GPR39: variants seen among roughly 807,000 people sequenced by gnomAD.
GPR39 encodes G protein-coupled receptor 39.
GPR39 carries 23 observed loss-of-function variants against 18.4 expected under a neutral mutation model. The ratio of observed to expected loss-of-function variants is 1.25; its 90% CI spans 0.90 to 1.77. The LOEUF (loss-of-function observed/expected upper bound fraction) is 1.77, where lower values mean the gene tolerates loss of function less well. Ranked by LOEUF, GPR39 falls within the 40% of genes most tolerant of loss-of-function variation. The pLI is 0.00. For missense variants in GPR39, 647 were observed against 602.4 expected, an observed-to-expected ratio of 1.07 and a Z score of -0.78; for synonymous variants, 280 against 257.9, an observed-to-expected ratio of 1.09 and a Z score of -0.82.
intron 1 of GPR39, among the ~76,000 whole-genome samples, chr2:132,477,587 G>A (rs1681153677): frequency 6.6e-6 from 1 of 152,168 alleles, no homozygotes; most frequent in Non-Finnish European, 1.5e-5. Flanking sequence ...CCAAGGCTCT[G>A]TCTCAATCAA....
intron 1 of GPR39, among the ~76,000 whole-genome samples, chr2:132,635,436 G>T (rs2104874185): frequency 6.6e-6 from 1 of 152,316 alleles, no homozygotes; most frequent in East Asian, 1.9e-4. Flanking sequence ...ATGTAGACTT[G>T]TGAAGTCAAG....
chr2:132,626,514 T>C (rs1032727578), intron 1 of GPR39, among the ~76,000 whole-genome samples: 2 of 152,190 alleles, frequency 1.3e-5, no homozygotes, highest in Non-Finnish European at 2.9e-5. Context: ...TGGTTTTTTC[T>C]TTTTTTAAAC....
intron 1 of GPR39, among the ~76,000 whole-genome samples, chr2:132,518,662 G>A (rs1328678058): frequency 6.6e-6 from 1 of 152,006 alleles, no homozygotes; most frequent in Non-Finnish European, 1.5e-5. Flanking sequence ...TAAATATAAT[G>A]CAAACCACAT....
Position 132,581,336 on chromosome 2 carries a change from C to CTT in GPR39, c.857-63751_857-63750dup, listed in dbSNP as rs34169955. ...CAGGGCTATGGGGGAACGATAGTGA[C>CTT]TTTTTTTTTTTTTTTGGAAGAGAAT... is the stretch of plus-strand genomic sequence containing the variant. On this transcript the variant is annotated intron_variant, in intron 1 of 1. Transcript: ENST00000329321. 2.7e-3 allele frequency among the ~76,000 whole-genome samples: 388 copies of CTT among 143,560 alleles called. 5 individuals carry two copies. Among genetic ancestry groups the CTT allele is most frequent in the East Asian group, 0.02 (100 of 4,948 alleles). 94.2% of individuals were successfully genotyped at this position (143,560 alleles called of 152,430 possible).
rs964856729 is a variant in GPR39 at position 132,616,889 on chromosome 2, C to T, written c.857-28212C>T. 6.6e-5 allele frequency among the ~76,000 whole-genome samples: 10 copies of T among 152,154 alleles called. No homozygotes were observed. In the East Asian group the frequency reaches 7.7e-4, roughly 12 times the overall value. On this transcript the variant is annotated intron_variant, in intron 1 of 1. Coordinates refer to ENST00000329321, the MANE Select transcript of GPR39 (RefSeq NM_001508.3). ...ACACGCTTTCTTTCTCTCAATGCCCCGCTCCCGCCACGGTCCCTACTGTTG... is the reference window on the plus strand; with the variant it reads ...ACACGCTTTCTTTCTCTCAATGCCCTGCTCCCGCCACGGTCCCTACTGTTG...
intron 1 of GPR39, among the ~76,000 whole-genome samples, chr2:132,459,801 C>G (rs757902552): frequency 6.6e-6 from 1 of 152,236 alleles, no homozygotes; most frequent in Non-Finnish European, 1.5e-5. Context: ...TAAGTGCCCT[C>G]TTGAACTTAT....
At chr2:132,638,029 AT>A (rs1431104110) in intron 1 of GPR39, among the ~76,000 whole-genome samples, 1 of 152,076 alleles carries the variant, frequency 6.6e-6, no homozygotes, top group African/African-American at 2.4e-5. Flanking sequence ...AAGAGATGTG[AT>A]TGCTTTACAT....
chr2:132,554,804 C>T (rs1016408027), intron 1 of GPR39, among the ~76,000 whole-genome samples: 5 of 152,196 alleles, frequency 3.3e-5, no homozygotes, highest in Admixed American at 2.6e-4. Context: ...TCTCTTAAAT[C>T]AACAATAAGT....
intron 1 of GPR39, among the ~76,000 whole-genome samples, chr2:132,419,741 C>CT (rs555720140): frequency 1.5e-4 from 22 of 151,290 alleles, no homozygotes; most frequent in South Asian, 6.3e-4. Flanking sequence ...ATTAAATTTC[C>CT]TTTTTTTTTG....
rs182539203 is a variant in GPR39 at position 132,492,201 on chromosome 2, A to T, written c.856+74303A>T. 1.2e-3 allele frequency among the ~76,000 whole-genome samples: 180 copies of T among 145,982 alleles called. 5 individuals carry two copies. The Middle Eastern group carries it at 0.028, about 23-fold the overall frequency. On this transcript the variant is annotated intron_variant, in intron 1 of 1. Coordinates refer to ENST00000329321, the MANE Select transcript of GPR39 (RefSeq NM_001508.3). ...TACACCATATATATACATACCATAT[A>T]TATACCATATATATACATACCATAT...
chr2:132,641,177 G>C (rs1681850921), intron 1 of GPR39, among the ~76,000 whole-genome samples: 1 of 152,206 alleles, frequency 6.6e-6, no homozygotes, highest in African/African-American at 2.4e-5. Flanking sequence ...TTTAGAATGA[G>C]AAATGCAAAA....
intron 1 of GPR39, among the ~76,000 whole-genome samples, chr2:132,582,911 CTTTCTTTTT>C (rs999223875): frequency 3.5e-5 from 4 of 114,056 alleles, no homozygotes; most frequent in African/African-American, 1.3e-4. Context: ...AGATTTCTTT[CTTTCTTTTT>C]TTTTTTTTTT....
chr2:132,523,341 A>T (rs1679455951), intron 1 of GPR39, among the ~76,000 whole-genome samples: 1 of 152,248 alleles, frequency 6.6e-6, no homozygotes. Context: ...AACAATGAAC[A>T]ATCCATTAAA....
At chr2:132,555,638 A>G (rs1163793179) in intron 1 of GPR39, among the ~76,000 whole-genome samples, 1 of 152,180 alleles carries the variant, frequency 6.6e-6, no homozygotes, top group African/African-American at 2.4e-5. Context: ...GAAGTCACTC[A>G]TTAGCATTTC....
rs565464650 is a variant in GPR39 at position 132,590,388 on chromosome 2, C to T, written c.857-54713C>T. ...CATTCACACAGATGATGGCTAGGTC[C>T]TCAGAGGATCAGCCCTGAGCTTCTA... On this transcript the variant is annotated intron_variant, in intron 1 of 1. Transcript: ENST00000329321. Among the ~76,000 whole-genome samples, 50 of 152,226 alleles carry T rather than the reference C, an allele frequency of 3.3e-4. No homozygotes were observed. In the Middle Eastern group the frequency reaches 0.017, roughly 52 times the overall value.
At chr2:132,627,209 C>T (rs1022755792) in intron 1 of GPR39, among the ~76,000 whole-genome samples, 2 of 152,300 alleles carry the variant, frequency 1.3e-5, no homozygotes, top group East Asian at 3.9e-4. Flanking sequence ...TGTGTACCCA[C>T]CTCTGGGTAT....
chr2:132,578,273 A>G (rs1218339104), intron 1 of GPR39, among the ~76,000 whole-genome samples: 1 of 152,086 alleles, frequency 6.6e-6, no homozygotes, highest in Admixed American at 6.5e-5. Context: ...ATATATTGTT[A>G]AATACTATTT....
intron 1 of GPR39, among the ~76,000 whole-genome samples, chr2:132,455,430 C>G (rs1190124010): frequency 6.6e-6 from 1 of 152,136 alleles, no homozygotes; most frequent in Non-Finnish European, 1.5e-5. Context: ...TTCAAAACAC[C>G]AGCTCCTGGA....
chr2:132,490,016 C>T (rs1478467663), intron 1 of GPR39, among the ~76,000 whole-genome samples: 1 of 151,746 alleles, frequency 6.6e-6, no homozygotes, highest in Non-Finnish European at 1.5e-5. Flanking sequence ...AGGCACCTGG[C>T]ATGTGGCACC....
Sources: gnomAD v4.1 joint callset for allele counts (sites outside exome capture counted in the v4.1 genomes callset) on GRCh38, gnomAD v4.1.1 for gene constraint, MANE v1.5 for transcripts, NCBI Gene and HGNC (gene_info 2026-07-23, HGNC 2026-07-21) for gene names.